Variants in SESTD1 observed in about 807,000 individuals in gnomAD.
The protein encoded by SESTD1 is SEC14 and spectrin domain containing 1.
In SESTD1, 43 loss-of-function variants were observed where a neutral mutation model predicts 101.7. The observed-to-expected ratio is 0.42, with a 90% CI of 0.33 to 0.55. The LOEUF (loss-of-function observed/expected upper bound fraction) is 0.55, where lower values mean the gene tolerates loss of function less well. Among genes scored for constraint, SESTD1 ranks in the 20% least tolerant of loss-of-function variants. SESTD1 has a pLI of 0.07. For missense variants in SESTD1, 647 were observed against 815.1 expected (o/e 0.79, Z 2.51); for synonymous variants, 283 against 286.8 (o/e 0.99, Z 0.13).
intron 5 of SESTD1, among the ~76,000 whole-genome samples, chr2:179,168,329 A>G (rs964970016): frequency 4.6e-5 from 7 of 152,232 alleles, no homozygotes; most frequent in Non-Finnish European, 1.0e-4. Flanking sequence ...AATACAATGT[A>G]TAATACATAT....
intron 1 of SESTD1, among the ~76,000 whole-genome samples, chr2:179,230,111 C>CTTTTT (rs1559153333): frequency 2.5e-5 from 2 of 80,358 alleles, no homozygotes; most frequent in Non-Finnish European, 2.7e-5. Context: ...TGGATTGTAT[C>CTTTTT]TCTTTTTTTT....
chr2:179,147,067 C>G (rs921699025), intron 7 of SESTD1, among the ~76,000 whole-genome samples: 1 of 151,940 alleles, frequency 6.6e-6, no homozygotes, highest in Non-Finnish European at 1.5e-5. Flanking sequence ...CCTTGCTGCT[C>G]TAACTGACTG....
At chr2:179,165,786 G>A (rs1486566938) in intron 5 of SESTD1, among the ~76,000 whole-genome samples, 1 of 152,132 alleles carries the variant, frequency 6.6e-6, no homozygotes, top group South Asian at 2.1e-4. Context: ...CTTCCACAAA[G>A]TCTACATAAT....
rs2044425708 is a variant in SESTD1, at chr2:179,108,127, C to T, written c.*1772G>A. The T allele has an allele frequency of 6.6e-6, 1 of 152,036 alleles. No homozygotes were observed. Among genetic ancestry groups the T allele is most frequent in the East Asian group, 1.9e-4 (1 of 5,196 alleles). 9.4% of individuals were successfully genotyped at this position (152,036 alleles called of 1,614,324 possible). On this transcript the variant is annotated 3_prime_UTR_variant, in exon 18 of 18. Transcript: ENST00000428443. ...TCAACTAGGCAATTAAAAAGAAGTA[C>T]AAGTCTAGATTTCTGGACCAGGTAT...
chr2:179,222,190 G>C (rs1382744562), intron 1 of SESTD1, among the ~76,000 whole-genome samples: 1 of 152,110 alleles, frequency 6.6e-6, no homozygotes, highest in African/African-American at 2.4e-5. Flanking sequence ...TCTACTATGG[G>C]ATTCTGTTCC....
At chr2:179,171,286 T>G (rs917122287) in intron 5 of SESTD1, among the ~76,000 whole-genome samples, 2 of 152,202 alleles carry the variant, frequency 1.3e-5, no homozygotes, top group African/African-American at 4.8e-5. Flanking sequence ...CCATCTCCTT[T>G]AAGAATAAAC....
intron 4 of SESTD1, among the ~76,000 whole-genome samples, chr2:179,174,900 G>C (rs1343652583): frequency 6.7e-6 from 1 of 149,916 alleles, no homozygotes; most frequent in African/African-American, 2.5e-5. Context: ...AGTAAGCCAT[G>C]CAACTGCACT....
chr2:179,130,613 T>C (rs1367353554), intron 10 of SESTD1, among the ~76,000 whole-genome samples: 2 of 152,072 alleles, frequency 1.3e-5, no homozygotes, highest in East Asian at 3.8e-4. Context: ...TAATTATTTA[T>C]CTTGGCATTT....
intron 6 of SESTD1, among the ~76,000 whole-genome samples, chr2:179,149,701 T>A (rs1313955350): frequency 6.6e-6 from 1 of 152,250 alleles, no homozygotes; most frequent in Non-Finnish European, 1.5e-5. Context: ...TCTAACTACA[T>A]ACATGTAATT....
intron 1 of SESTD1, among the ~76,000 whole-genome samples, chr2:179,262,409 T>C (rs1291255150): frequency 6.6e-6 from 1 of 152,178 alleles, no homozygotes; most frequent in Admixed American, 6.5e-5. Flanking sequence ...TTTTTTTCTT[T>C]TGAGACAAAG....
chr2:179,190,004 C>T (rs975523515), intron 2 of SESTD1, among the ~76,000 whole-genome samples: 7 of 152,032 alleles, frequency 4.6e-5, no homozygotes, highest in African/African-American at 1.4e-4. Context: ...AAATTCAATG[C>T]TATTCATATC....
intron 13 of SESTD1, among the ~76,000 whole-genome samples, chr2:179,119,132 AG>A (rs1321769664): frequency 1.3e-5 from 2 of 152,236 alleles, no homozygotes; most frequent in African/African-American, 4.8e-5. Flanking sequence ...CTGAGCAAAC[AG>A]GAAGTCACTG....
intron 9 of SESTD1, among the ~76,000 whole-genome samples, chr2:179,142,225 G>A (rs759655762): frequency 5.3e-5 from 8 of 152,180 alleles, no homozygotes; most frequent in Non-Finnish European, 1.2e-4. Context: ...AAGAAAGACC[G>A]TATGGTCCAC....
chr2:179,158,309 T>C (rs899307131), intron 5 of SESTD1, among the ~76,000 whole-genome samples: 2 of 152,222 alleles, frequency 1.3e-5, no homozygotes, highest in African/African-American at 4.8e-5. Context: ...ACCTATCTTG[T>C]CCAATGAAGA....
rs546051444 is a variant in SESTD1, at chr2:179,146,426, C to G, written c.613G>C (p.Asp205His). The G allele has an allele frequency of 2.5e-6, 4 of 1,612,918 alleles. No individual in the cohort carries two copies. The South Asian group carries it at 3.3e-5, about 13-fold the overall frequency. Residue 205 changes from aspartate (D) to histidine (H), a missense_variant, in exon 8 of 18, where the codon GAT (aspartate) becomes CAT (histidine). Asp to His is a moderately conservative substitution (Grantham distance 81). This residue lies in a region of SESTD1 where 168 missense variants were observed against 235.1 expected (regional missense o/e 0.71). Transcript: ENST00000428443. The part of the protein sequence containing the change: ...SVDLNFLPSV[D>H]PETVLQTGHE... ...CCTGTCTGAAGAACTGTTTCAGGAT[C>G]AACCGATGGAAGAAAGTTTAAATCC... is the stretch of plus-strand genomic sequence containing the variant.
intron 1 of SESTD1, among the ~76,000 whole-genome samples, chr2:179,199,132 G>A (rs1019255724): frequency 2.1e-4 from 32 of 152,050 alleles, no homozygotes; most frequent in African/African-American, 5.1e-4. Context: ...AATCACCACC[G>A]ATCCCACAGA....
chr2:179,128,264 A>G (rs1326402572), intron 10 of SESTD1, among the ~76,000 whole-genome samples: 1 of 152,202 alleles, frequency 6.6e-6, no homozygotes, highest in Non-Finnish European at 1.5e-5. Flanking sequence ...ATGTAAATAC[A>G]TTGTGAGGAC....
rs149635563 is a variant in SESTD1 at position 179,124,655 on chromosome 2, AT to A, written c.973-98del. On this transcript the variant is annotated intron_variant, in intron 10 of 17. Coordinates refer to ENST00000428443, the MANE Select transcript of SESTD1 (RefSeq NM_178123.5). ...CTCCAGATAAACTAAGTAATACATG[AT>A]TTTTTTTTTCTAAGGCAAAATTATT... The A allele has an allele frequency of 2.1e-3, 2,190 of 1,022,508 alleles. 2 individuals are homozygous for A. Among genetic ancestry groups the A allele is most frequent in the African/African-American group, 8.8e-3 (532 of 60,374 alleles). The allele number at this position is 1,022,508 out of a possible 1,614,324, so 63.3% of individuals were successfully genotyped here. A position where few individuals can be genotyped will look rare whatever the true frequency, so the allele number is the denominator to read the frequency against.
intron 2 of SESTD1, among the ~76,000 whole-genome samples, chr2:179,189,088 C>A (rs960825745): frequency 2.0e-5 from 3 of 152,092 alleles, no homozygotes; most frequent in Non-Finnish European, 1.5e-5. Context: ...CAGCATCATC[C>A]TGACACCAAA....
Sources: allele counts gnomAD v4.1 joint callset (sites outside exome capture counted in the v4.1 genomes callset), GRCh38; gene constraint gnomAD v4.1.1; regional missense constraint gnomAD v4.1.1; transcripts MANE v1.5; gene names NCBI Gene and HGNC (gene_info 2026-07-23, HGNC 2026-07-21).